DYNC2H1: variants seen among roughly 807,000 people sequenced by gnomAD.
DYNC2H1 encodes the protein cytoplasmic dynein 2 heavy chain 1.
In DYNC2H1, 410 loss-of-function variants were observed where a neutral mutation model predicts 570.0. That is an observed-to-expected ratio of 0.72 (90% CI 0.66 to 0.78). The LOEUF (loss-of-function observed/expected upper bound fraction) is 0.78, where lower values mean the gene tolerates loss of function less well. Ranked by LOEUF, DYNC2H1 falls within the 30% of genes least tolerant of loss-of-function variation. The probability of loss-of-function intolerance (pLI) is 0.00; values close to 1 mark genes in which losing one functional copy is unlikely to be tolerated. For synonymous variants in DYNC2H1, 1,688 were observed against 1,677.6 expected (o/e 1.01, Z -0.15); for missense variants, 4,865 against 5,046.4 (o/e 0.96, Z 1.09).
chr11:103,258,323 C>T (rs1031506765), intron 69 of DYNC2H1, among the ~76,000 whole-genome samples: 2 of 152,210 alleles, frequency 1.3e-5, no homozygotes, highest in Admixed American at 6.5e-5. Context: ...GATGGTGAGG[C>T]TATACCATAC....
In DYNC2H1 at chr11:103,472,594, T is replaced by C. The variant is rs138049612; in HGVS notation, c.12765+3889T>C. On this transcript the variant is annotated intron_variant, in intron 88 of 88. Transcript: ENST00000375735. The surrounding 1 kb of genome is among the most constrained non-coding windows in gnomAD (Gnocchi z 4.1). ...AGAATCAGGTAAGTTAAATGACTTATGAGTTCCACATTGGTAGCATTAGTG... is the reference window on the plus strand; with the variant it reads ...AGAATCAGGTAAGTTAAATGACTTACGAGTTCCACATTGGTAGCATTAGTG... 9.6e-3 allele frequency among the ~76,000 whole-genome samples: 1,458 copies of C among 152,256 alleles called. 22 individuals carry two copies. The highest frequency in any genetic ancestry group is 0.033 in the African/African-American group (1,376 of 41,528).
chr11:103,250,553 G>A (rs986045813), intron 65 of DYNC2H1, among the ~76,000 whole-genome samples: 7 of 151,992 alleles, frequency 4.6e-5, no homozygotes, highest in African/African-American at 7.2e-5. Context: ...AAGTCTGTGC[G>A]TAGCCAACCA....
At chr11:103,285,561 C>T (rs622559) in intron 73 of DYNC2H1, among the ~76,000 whole-genome samples, 25,040 of 150,446 alleles carry the variant, frequency 0.17, 2,214 homozygotes, top group Admixed American at 0.25. Flanking sequence ...TAGCTGTGAT[C>T]ACAGGCGCCC....
Position 103,163,099 on chromosome 11 carries a change from T to C in DYNC2H1, c.4563T>C (p.Thr1521=). The change falls in exon 30 of 89, where the codon ACT becomes ACC. Residue 1521 remains threonine, a synonymous_variant. Transcript: ENST00000375735. The surrounding 1 kb of genome is among the most constrained non-coding windows in gnomAD (Gnocchi z 4.6). ...LEQLLKECVT[T]GRSSQGAVDP... ...AGTTGTTGAAGGAATGTGTTACTACTGGGCGAAGTTCTCAAGGTGCAGTTG... is the reference window on the plus strand; with the variant it reads ...AGTTGTTGAAGGAATGTGTTACTACCGGGCGAAGTTCTCAAGGTGCAGTTG... 2.5e-6 allele frequency: 4 copies of C among 1,613,354 alleles called. No homozygotes were observed. Among genetic ancestry groups the C allele is most frequent in the Non-Finnish European group, 3.4e-6 (4 of 1,179,374 alleles).
intron 63 of DYNC2H1, among the ~76,000 whole-genome samples, chr11:103,236,928 G>A (rs118002538): frequency 0.016 from 2,472 of 152,000 alleles, 22 homozygotes; most frequent in Admixed American, 0.026. Flanking sequence ...TTAGCAAAAA[G>A]TGAAGATAAG....
chr11:103,328,635 G>T (rs916774462), intron 82 of DYNC2H1, among the ~76,000 whole-genome samples: 6 of 152,156 alleles, frequency 3.9e-5, no homozygotes, highest in Non-Finnish European at 8.8e-5. Flanking sequence ...AAATATGAAG[G>T]CCAAAAATGA....
intron 82 of DYNC2H1, among the ~76,000 whole-genome samples, chr11:103,340,356 G>A (rs1431917433): frequency 6.6e-6 from 1 of 151,826 alleles, no homozygotes; most frequent in African/African-American, 2.4e-5. Flanking sequence ...TAAAAGATTT[G>A]CAAAATTACG....
chr11:103,173,171 T>C lies in DYNC2H1; in HGVS notation c.5424T>C (p.Leu1808=), dbSNP rs1255915751. Residue 1808 remains leucine (L), a synonymous_variant, in exon 35 of 89, where the codon CTT becomes CTC. Transcript: ENST00000375735. ...GAAGACAAAAACTGCCTGATAATCT[T>C]AAACAGCTTTTCAGGCCCGTAGCTA... ...YGGRQKLPDN[L]KQLFRPVAMS... is the part of the protein sequence containing the mutation. The C allele has an allele frequency of 1.3e-6, 2 of 1,590,316 alleles. No homozygotes were observed. Among genetic ancestry groups the C allele is most frequent in the Non-Finnish European group, 1.7e-6 (2 of 1,168,094 alleles).
intron 79 of DYNC2H1, among the ~76,000 whole-genome samples, chr11:103,312,380 CAAA>C (rs775259300): frequency 1.2e-4 from 6 of 48,120 alleles, no homozygotes; most frequent in Admixed American, 4.2e-4. Flanking sequence ...AACTCCATCT[CAAA>C]AAAAAAAAAA....
intron 79 of DYNC2H1, among the ~76,000 whole-genome samples, 192 bp from the exon 80 acceptor site, chr11:103,316,353 A>T (rs1286749579): frequency 6.6e-6 from 1 of 152,044 alleles, no homozygotes; most frequent in Non-Finnish European, 1.5e-5. Flanking sequence ...AGTACTTTTC[A>T]TGCTATGGCC....
At chr11:103,213,149 G>A (rs764878098) in intron 54 of DYNC2H1, among the ~76,000 whole-genome samples, 6 of 152,066 alleles carry the variant, frequency 3.9e-5, no homozygotes, top group Non-Finnish European at 5.9e-5. Flanking sequence ...CCAGGCCAGG[G>A]TGAAATGTCT....
chr11:103,124,479 A>G (rs1339471362), intron 11 of DYNC2H1, among the ~76,000 whole-genome samples: 2 of 149,742 alleles, frequency 1.3e-5, no homozygotes, highest in Non-Finnish European at 3.0e-5. Context: ...GCAGCATTAT[A>G]TAAACCTAAT....
chr11:103,204,680 A>C lies in DYNC2H1; in HGVS notation c.8312-142A>C, dbSNP rs186935176. On this transcript the variant is annotated intron_variant, in intron 51 of 88. Coordinates refer to ENST00000375735, the MANE Select transcript of DYNC2H1 (RefSeq NM_001377.3). This position sits in a 1 kb window ranked among gnomAD's most constrained non-coding sequence, Gnocchi z 4.1. Reference sequence around the variant, plus strand: ...TATAAGTGTTCTTTTAACTAAAATAAAAATCATAACATAATATTGTTTTAT... The same window carrying C: ...TATAAGTGTTCTTTTAACTAAAATACAAATCATAACATAATATTGTTTTAT... 9 of 528,662 alleles carry C rather than the reference A, an allele frequency of 1.7e-5. No individual in the cohort carries two copies. In the Admixed American group the frequency reaches 3.0e-4, roughly 17 times the overall value. 32.7% of individuals were successfully genotyped at this position (528,662 alleles called of 1,614,324 possible).
intron 83 of DYNC2H1, among the ~76,000 whole-genome samples, chr11:103,372,819 A>G (rs1941227567): frequency 6.6e-6 from 1 of 152,228 alleles, no homozygotes; most frequent in Admixed American, 6.5e-5. Context: ...GAACATTGGT[A>G]TTAGTTCTTT....
Position 103,235,755 on chromosome 11 carries a change from T to A in DYNC2H1, c.9651T>A (p.Ala3217=). ...AAAFITYLSA[A]PESLRKTCLE... is the part of the protein sequence containing the mutation. ...CATTTATTACATATCTTTCTGCTGC[T>A]CCTGAATCTCTGAGAAAAACCTGTT... is the stretch of plus-strand genomic sequence containing the variant. Residue 3217 remains alanine (A), a synonymous_variant, in exon 62 of 89, where the codon GCT becomes GCA. Transcript: ENST00000375735. The A allele has an allele frequency of 6.2e-7, 1 of 1,611,942 alleles. No individual in the cohort carries two copies.
chr11:103,456,216 C>A (rs1944781684), intron 86 of DYNC2H1, 59 bp from the exon 87 acceptor site: 1 of 1,329,964 alleles, frequency 7.5e-7, no homozygotes, highest in South Asian at 1.4e-5. Flanking sequence ...TTCAGTTACT[C>A]TTCATATTTT....
Position 103,120,698 on chromosome 11 carries a change from A to G in DYNC2H1, c.1144A>G (p.Lys382Glu). 1 of 1,611,486 alleles carries G rather than the reference A, an allele frequency of 6.2e-7. No homozygotes were observed. Among genetic ancestry groups the G allele is most frequent in the African/African-American group, 1.3e-5 (1 of 74,982 alleles). Reference protein sequence around the residue: ...QYNPYTEPLWKAAVSQYEKII... With the variant: ...QYNPYTEPLWEAAVSQYEKII... The stretch of plus-strand genomic sequence containing the variant: ...TTGTTAATGTATGTAGCCCTTGTGG[A>G]AAGCTGCGGTGTCTCAATATGAAAA... Residue 382 changes from lysine to glutamate, a missense_variant, in exon 8 of 89, where the codon AAA becomes GAA. Lys to Glu is a moderately conservative substitution (Grantham distance 56, BLOSUM62 1). Transcript: ENST00000375735.
intron 48 of DYNC2H1, among the ~76,000 whole-genome samples, chr11:103,198,408 CT>C (rs1862585196): frequency 6.6e-6 from 1 of 152,088 alleles, no homozygotes; most frequent in African/African-American, 2.4e-5. Context: ...GGGTCTCATC[CT>C]CTTAAGTGTC....
intron 11 of DYNC2H1, among the ~76,000 whole-genome samples, chr11:103,124,235 C>T (rs1410382112): frequency 6.6e-6 from 1 of 151,540 alleles, no homozygotes; most frequent in Admixed American, 6.6e-5. Flanking sequence ...TCACTTGAAC[C>T]CAGGAGTTTG....
Sources: allele counts gnomAD v4.1 joint callset (sites outside exome capture counted in the v4.1 genomes callset), GRCh38; gene constraint gnomAD v4.1.1; non-coding constraint Gnocchi (gnomAD v3.1); transcripts MANE v1.5; gene names NCBI Gene and HGNC (gene_info 2026-07-23, HGNC 2026-07-21).